RNF17: variants seen among roughly 807,000 people sequenced by gnomAD.
RNF17 encodes ring finger protein 17, also known as spermatogenesis associated 23.
A neutral mutation model predicts 200.5 loss-of-function variants in RNF17; 31 were observed. That is an observed-to-expected ratio of 0.15 (90% CI 0.12 to 0.21). The LOEUF (loss-of-function observed/expected upper bound fraction) is 0.21. Among genes scored for constraint, RNF17 ranks in the 10% least tolerant of loss-of-function variants. RNF17 has a pLI of 1.00. For missense variants in RNF17, 1,628 were observed against 1,905.1 expected (o/e 0.85, Z 2.71); for synonymous variants, 606 against 637.8 (o/e 0.95, Z 0.75).
chr13:24,853,790 A>T, intron 24 of RNF17, 65 bp from the exon 25 acceptor site: 1 of 1,203,790 alleles, frequency 8.3e-7, no homozygotes, highest in South Asian at 1.8e-5. Flanking sequence ...GATTCTTTTT[A>T]TGTTGTTTTA....
the RNF17 span, among the ~76,000 whole-genome samples, chr13:24,749,454 A>G: frequency 6.6e-6 from 1 of 151,852 alleles, no homozygotes; most frequent in African/African-American, 2.4e-5. Context: ...CTGGTGTGCA[A>G]CACCACATCC....
intron 1 of RNF17, among the ~76,000 whole-genome samples, chr13:24,766,003 G>C (rs1356124440): frequency 6.6e-6 from 1 of 152,270 alleles, no homozygotes; most frequent in African/African-American, 2.4e-5. Context: ...CGAGGTGGGC[G>C]GATCACTTGA....
intron 10 of RNF17, 130 bp downstream of exon 10, chr13:24,793,476 A>G: frequency 1.4e-5 from 12 of 845,056 alleles, no homozygotes; most frequent in Non-Finnish European, 2.1e-5. Context: ...TTATGAGTTA[A>G]AACCTGTTCA....
chr13:24,874,523 C>T (rs1894652719), intron 33 of RNF17, among the ~76,000 whole-genome samples: 2 of 151,722 alleles, frequency 1.3e-5, no homozygotes, highest in African/African-American at 4.8e-5. Flanking sequence ...GATTCTCCTG[C>T]CTCAGCCTCC....
Position 24,845,052 on chromosome 13 carries a change from C to G in RNF17, c.3074C>G (p.Ser1025Cys). ...EENLKTMGRL[S>C]LECSLVDIRP... ...AATCTAAAGACAATGGGAAGACTCT[C>G]TTTGGAATGTTCTCTGGTTGACATA... The change falls in exon 22 of 36, where the codon TCT becomes TGT. Residue 1025 changes from serine to cysteine, a missense_variant. Physicochemically the swap from Ser to Cys is moderately radical, Grantham distance 112. Around this residue, in one of 5 missense-constraint regions of RNF17, gnomAD observed 227 missense variants for 319.8 expected, o/e 0.71. Transcript: ENST00000255324. 1 of 1,566,994 alleles carries G rather than the reference C, an allele frequency of 6.4e-7. No individual in the cohort carries two copies. The highest frequency in any genetic ancestry group is 8.8e-7 in the Non-Finnish European group (1 of 1,137,842).
the RNF17 span, chr13:24,886,113 T>C: frequency 5.0e-6 from 2 of 399,722 alleles, no homozygotes; most frequent in Non-Finnish European, 5.0e-6. Context: ...CAGCAACATA[T>C]ACATTACAAA....
At chr13:24,811,165 T>G (rs1192045831) in intron 15 of RNF17, among the ~76,000 whole-genome samples, 1 of 150,430 alleles carries the variant, frequency 6.6e-6, no homozygotes, top group Non-Finnish European at 1.5e-5. Flanking sequence ...GTTCTCTGTA[T>G]TTCCTGAATC....
intron 19 of RNF17, among the ~76,000 whole-genome samples, chr13:24,842,784 A>G (rs563895738): frequency 1.2e-3 from 188 of 152,178 alleles, no homozygotes; most frequent in Non-Finnish European, 2.1e-3. Context: ...GAGGAGTTTG[A>G]GACCAGCCTG....
intron 2 of RNF17, among the ~76,000 whole-genome samples, chr13:24,772,278 GAATA>G (rs1387780855): frequency 2.0e-5 from 3 of 152,066 alleles, no homozygotes; most frequent in Non-Finnish European, 4.4e-5. Context: ...TTAATTGGTG[GAATA>G]AATTTATGCT....
At chr13:24,876,354 C>T (rs991691993) in intron 33 of RNF17, among the ~76,000 whole-genome samples, 3 of 152,006 alleles carry the variant, frequency 2.0e-5, no homozygotes, top group Non-Finnish European at 2.9e-5. Flanking sequence ...GGTTGCTCCC[C>T]GCTTTTGGGT....
At chr13:24,757,720 T>G in the RNF17 span, among the ~76,000 whole-genome samples, 2 of 152,260 alleles carry the variant, frequency 1.3e-5, no homozygotes, top group South Asian at 2.1e-4. Flanking sequence ...AGTATTTCTA[T>G]AAATGTTTTC....
At chr13:24,811,963 G>C (rs924917577) in intron 15 of RNF17, among the ~76,000 whole-genome samples, 1 of 152,036 alleles carries the variant, frequency 6.6e-6, no homozygotes, top group Non-Finnish European at 1.5e-5. Context: ...CGGGGGTCAG[G>C]GGTCAGGGAC....
At chr13:24,749,303 C>CTTTTTTT in the RNF17 span, among the ~76,000 whole-genome samples, 1 of 31,946 alleles carries the variant, frequency 3.1e-5, no homozygotes, top group South Asian at 1.3e-3. Context: ...TTCTTTCTTT[C>CTTTTTTT]TTTCTTTTTT....
downstream of RNF17, chr13:24,882,831 G>A (rs1953899385): frequency 6.6e-6 from 2 of 304,564 alleles, no homozygotes; most frequent in South Asian, 6.5e-5. Context: ...TACGGCTGAT[G>A]TGTCTGTGGG....
downstream of RNF17, among the ~76,000 whole-genome samples, chr13:24,880,113 C>T (rs546059508): frequency 5.3e-5 from 8 of 151,944 alleles, no homozygotes; most frequent in East Asian, 1.9e-4. Flanking sequence ...GAACTGCCTG[C>T]GACTGGTTAA....
intron 2 of RNF17, among the ~76,000 whole-genome samples, chr13:24,773,140 T>G (rs1207091321): frequency 6.6e-6 from 1 of 152,206 alleles, no homozygotes; most frequent in Non-Finnish European, 1.5e-5. Flanking sequence ...GAAAGCAGTT[T>G]GGCGATTTCT....
chr13:24,747,830 A>G, the RNF17 span, among the ~76,000 whole-genome samples: 1 of 152,232 alleles, frequency 6.6e-6, no homozygotes, highest in African/African-American at 2.4e-5. Context: ...TCGGGAGAGA[A>G]GGTGGAAGCC....
chr13:24,876,846 TTTA>T (rs56676193), intron 33 of RNF17, 148 bp from the exon 34 acceptor site: 624,800 of 625,228 alleles, frequency 1, 312,188 homozygotes, highest in Middle Eastern at 1. Context: ...TTTTTCTCAT[TTTA>T]TCTGATTTTT....
At chr13:24,884,002 T>G (rs780864883), downstream of RNF17, 3 of 1,614,196 alleles carry the variant, frequency 1.9e-6, no homozygotes, top group Admixed American at 1.7e-5. Context: ...GAAAATGCTT[T>G]CTTCTTGTCC....
Sources: gnomAD v4.1 joint callset for allele counts (sites outside exome capture counted in the v4.1 genomes callset) on GRCh38, gnomAD v4.1.1 for gene constraint, gnomAD v4.1.1 regional missense constraint, MANE v1.5 for transcripts, NCBI Gene and HGNC (gene_info 2026-07-23, HGNC 2026-07-21) for gene names.